The following DOCK7 variants were observed in gnomAD, a reference collection of about 807,000 sequenced individuals.
DOCK7 encodes dedicator of cytokinesis 7, also known as dedicator of cytokinesis protein 7.
Under a neutral mutation model 271.0 loss-of-function variants are expected in DOCK7, and 138 were observed. The observed-to-expected ratio is 0.51, with a 90% CI of 0.44 to 0.59. The LOEUF (loss-of-function observed/expected upper bound fraction) is 0.59. Among genes scored for constraint, DOCK7 ranks in the 20% least tolerant of loss-of-function variants. The probability of loss-of-function intolerance (pLI) is 0.00; values close to 1 mark genes in which losing one functional copy is unlikely to be tolerated. For missense variants in DOCK7, 2,066 were observed against 2,592.4 expected (o/e 0.80, Z 4.41); for synonymous variants, 823 against 876.1 (o/e 0.94, Z 1.07).
intron 14 of DOCK7, among the ~76,000 whole-genome samples, chr1:62,618,062 T>C (rs1193831342): frequency 6.6e-6 from 1 of 152,090 alleles, no homozygotes; most frequent in South Asian, 2.1e-4. Flanking sequence ...GCTGCCCTAC[T>C]GAATATCCCA....
At chr1:62,486,227 T>G (rs1056787040) in intron 43 of DOCK7, 1 of 152,104 alleles carries the variant, frequency 6.6e-6, no homozygotes, top group African/African-American at 2.4e-5. Flanking sequence ...AGAATTAAGG[T>G]AGATTTATAA....
At chr1:62,584,891 C>A in intron 15 of DOCK7, 1 of 709,392 alleles carries the variant, frequency 1.4e-6, no homozygotes, top group Non-Finnish European at 2.6e-6. Flanking sequence ...GTAGAGGAGG[C>A]CACATATATG....
At chr1:62,597,511 T>C in intron 14 of DOCK7, 2 of 1,596,538 alleles carry the variant, frequency 1.3e-6, no homozygotes, top group African/African-American at 2.7e-5. Context: ...GAAGTCTAGG[T>C]CTGCTTCCAG....
At chr1:62,648,800 C>G (rs1224233174) in intron 4 of DOCK7, among the ~76,000 whole-genome samples, 1 of 151,922 alleles carries the variant, frequency 6.6e-6, no homozygotes, top group African/African-American at 2.4e-5. Context: ...ATAAATTAAG[C>G]TGTACTTTCA....
chr1:62,480,988 G>C (rs184054616), intron 43 of DOCK7, among the ~76,000 whole-genome samples: 360 of 125,276 alleles, frequency 2.9e-3, no homozygotes, highest in African/African-American at 0.011. Context: ...CAGCCTGGGC[G>C]ACAGAGCGAG....
rs770171690 is a variant in DOCK7, at chr1:62,598,680, T to A, written c.1683-12056A>T. The stretch of plus-strand genomic sequence containing the variant: ...AGAGGAAAGCAACTTATAACCAACC[T>A]ACTCTCTATATCCAGACTTTTGTAG... On this transcript the variant is annotated intron_variant, in intron 14 of 49. Transcript: ENST00000635253. The A allele has an allele frequency of 5.5e-6, 8 of 1,457,838 alleles. No homozygotes were observed. In the South Asian group the frequency reaches 9.1e-5, roughly 17 times the overall value. The allele number at this position is 1,457,838 out of a possible 1,614,324, so 90.3% of individuals were successfully genotyped here. A position where few individuals can be genotyped will look rare whatever the true frequency, so the allele number is the denominator to read the frequency against.
chr1:62,504,847 A>C (rs1429857653), intron 36 of DOCK7, 65 bp from the exon 37 acceptor site: 1 of 1,560,050 alleles, frequency 6.4e-7, no homozygotes. Flanking sequence ...ATATGTTAAT[A>C]TAACCTGAAC....
At chr1:62,593,156 A>C (rs769424523) in intron 14 of DOCK7, among the ~76,000 whole-genome samples, 5 of 152,324 alleles carry the variant, frequency 3.3e-5, no homozygotes, top group Admixed American at 1.3e-4. Context: ...GTGTTATAAA[A>C]AATTATGTTT....
Position 62,553,344 on chromosome 1 carries a change from ATATATATATATTTTTTTTTTTTTTTTTT to A in DOCK7, c.2597-471_2597-444del, listed in dbSNP as rs1219523725. Among the ~76,000 whole-genome samples the A allele has an allele frequency of 3.1e-3, 96 of 31,318 alleles. 2 individuals carry two copies. Among genetic ancestry groups the A allele is most frequent in the African/African-American group, 0.011 (65 of 6,072 alleles). 20.5% of individuals were successfully genotyped at this position (31,318 alleles called of 152,430 possible). A position where few individuals can be genotyped will look rare whatever the true frequency, so the allele number is the denominator to read the frequency against. On this transcript the variant is annotated intron_variant, in intron 21 of 49. Coordinates refer to ENST00000635253, the MANE Select transcript of DOCK7 (RefSeq NM_001367561.1). ...TATATATATATATATATATATATATATATATATATATTTTTTTTTTTTTTTTTTTTTTTTTTTTTTTAATAGGCAGGTG... is the reference window on the plus strand; with the variant it reads ...TATATATATATATATATATATATATATTTTTTTTTTTTTAATAGGCAGGTG...
At chr1:62,534,123 C>T (rs1441298497) in intron 29 of DOCK7, among the ~76,000 whole-genome samples, 1 of 151,974 alleles carries the variant, frequency 6.6e-6, no homozygotes, top group Non-Finnish European at 1.5e-5. Context: ...TCCAGCCTCC[C>T]GAGCAGCTGG....
At chr1:62,558,785 C>T (rs1183559406) in intron 20 of DOCK7, among the ~76,000 whole-genome samples, 1 of 151,898 alleles carries the variant, frequency 6.6e-6, no homozygotes, top group East Asian at 1.9e-4. Context: ...TCTATAATTT[C>T]AGTATATGCC....
At chr1:62,537,084 CTTCT>C (rs1645368546) in intron 28 of DOCK7, among the ~76,000 whole-genome samples, 1 of 152,178 alleles carries the variant, frequency 6.6e-6, no homozygotes, top group East Asian at 1.9e-4. Context: ...TGCAGTTTGA[CTTCT>C]TTCTCTGTTC....
chr1:62,676,234 A>C (rs1022002192), intron 1 of DOCK7, among the ~76,000 whole-genome samples: 1 of 152,258 alleles, frequency 6.6e-6, no homozygotes, highest in Non-Finnish European at 1.5e-5. Context: ...GCACAGATGA[A>C]CCATAAAAAC....
At chr1:62,627,809 A>T (rs1654133127) in intron 11 of DOCK7, 1 of 152,202 alleles carries the variant, frequency 6.6e-6, no homozygotes, top group Admixed American at 6.5e-5. Flanking sequence ...ACAATCTATA[A>T]ATTGACTTAG....
chr1:62,619,369 TC>T (rs1652849331), intron 13 of DOCK7, among the ~76,000 whole-genome samples: 1 of 152,162 alleles, frequency 6.6e-6, no homozygotes, highest in Admixed American at 6.5e-5. Flanking sequence ...ATTCCTTCCA[TC>T]CCCCGCTGGG....
At chr1:62,653,896 G>A in intron 3 of DOCK7, 88 bp downstream of exon 3, 2 of 1,505,512 alleles carry the variant, frequency 1.3e-6, no homozygotes, top group Non-Finnish European at 1.8e-6. Flanking sequence ...AAATGATGAT[G>A]CTATAAGAAG....
At position 62,508,217 on chromosome 1, in the gene DOCK7, T is replaced by C. The variant is rs3795397; in HGVS notation, c.4380-159A>G. ...AAGAAAAAAGGCAGTAGTTTACACA[T>C]TTATGCAGCTTTTTTGTTAACCACA... On this transcript the variant is annotated intron_variant, in intron 34 of 49. Coordinates refer to ENST00000635253, the MANE Select transcript of DOCK7 (RefSeq NM_001367561.1). Among the ~76,000 whole-genome samples, 44 of 152,344 alleles carry C rather than the reference T, an allele frequency of 2.9e-4. No homozygotes were observed. The East Asian group carries it at 6.6e-3, about 23-fold the overall frequency.
At chr1:62,537,120 T>C (rs1317846332) in intron 28 of DOCK7, among the ~76,000 whole-genome samples, 1 of 152,168 alleles carries the variant, frequency 6.6e-6, no homozygotes, top group Admixed American at 6.5e-5. Flanking sequence ...ATCCCCCACT[T>C]CCTTTCACAG....
intron 18 of DOCK7, among the ~76,000 whole-genome samples, chr1:62,569,381 T>A (rs1441856712): frequency 6.6e-6 from 1 of 151,764 alleles, no homozygotes; most frequent in East Asian, 1.9e-4. Context: ...ATCAAAAAGC[T>A]TATCACCATG....
Sources: gnomAD v4.1 joint callset for allele counts (sites outside exome capture counted in the v4.1 genomes callset) on GRCh38, gnomAD v4.1.1 for gene constraint, MANE v1.5 for transcripts, NCBI Gene and HGNC (gene_info 2026-07-23, HGNC 2026-07-21) for gene names.